Variants in ANKRD26 observed in about 807,000 individuals in gnomAD.
ANKRD26 encodes ankyrin repeat domain 26.
A neutral mutation model predicts 208.7 loss-of-function variants in ANKRD26; 141 were observed. The observed-to-expected ratio is 0.68, with a 90% confidence interval of 0.59 to 0.78. The LOEUF is 0.78. ANKRD26 is among the 30% of genes least tolerant of loss of function. ANKRD26 has a pLI of 0.00. For missense variants in ANKRD26, 1,889 were observed against 1,938.7 expected (o/e 0.97, Z 0.48); for synonymous variants, 636 against 660.4 (o/e 0.96, Z 0.57).
Position 27,043,800 on chromosome 10 carries a change from G to GT in ANKRD26, c.2020-234dup, listed in dbSNP as rs375888398. Among the ~76,000 whole-genome samples, 453 of 149,946 alleles carry GT rather than the reference G, an allele frequency of 3.0e-3. 1 individual carries two copies. Among genetic ancestry groups the GT allele is most frequent in the African/African-American group, 7.6e-3 (310 of 40,872 alleles). On this transcript the variant is annotated intron_variant, in intron 19 of 33. Transcript: ENST00000376087. ...TTTTTAATTTCATGTTTTTGTTTTT[G>GT]TTTTTTTTTGACATCGGGTCTCGCT...
At chr10:27,063,280 C>G (rs1018085652) in intron 12 of ANKRD26, among the ~76,000 whole-genome samples, 1 of 151,766 alleles carries the variant, frequency 6.6e-6, no homozygotes, top group Admixed American at 6.6e-5. Context: ...CTTTCTAATA[C>G]CCTGCTTTTC....
At chr10:27,029,392 T>G in intron 25 of ANKRD26, 36 bp from the exon 26 acceptor site, 7 of 1,582,242 alleles carry the variant, frequency 4.4e-6, no homozygotes, top group Non-Finnish European at 6.1e-6. Context: ...ACTTTACTAA[T>G]AATCTAGTAC....
chr10:27,070,843 C>G (rs998998114), intron 9 of ANKRD26, among the ~76,000 whole-genome samples: 2 of 150,838 alleles, frequency 1.3e-5, no homozygotes, highest in African/African-American at 4.9e-5. Context: ...TTTTTTGTAT[C>G]TTTAGTAGAG....
At chr10:27,047,252 C>T (rs911325695) in intron 17 of ANKRD26, among the ~76,000 whole-genome samples, 1 of 152,014 alleles carries the variant, frequency 6.6e-6, no homozygotes, top group Admixed American at 6.5e-5. Flanking sequence ...GGGAAAAATC[C>T]TTTTAGAATA....
Position 27,093,513 on chromosome 10 carries a change from A to G in ANKRD26, c.367T>C (p.Cys123Arg). 1 of 1,614,196 alleles carries G rather than the reference A, an allele frequency of 6.2e-7. No homozygotes were observed. The highest frequency in any genetic ancestry group is 8.5e-7 in the Non-Finnish European group (1 of 1,180,032). Residue 123 changes from cysteine to arginine, a missense_variant, in exon 3 of 34, where the codon TGC becomes CGC. Physicochemically the swap from Cys to Arg is radical, Grantham distance 180. This residue lies in a region of ANKRD26 where 1,272 missense variants were observed against 1,273.8 expected (regional missense o/e 1.00). Coordinates refer to ENST00000376087, the MANE Select transcript of ANKRD26 (RefSeq NM_014915.3). ...ATAGTTGCACATTTCTCTTCCTGGC[A>G]TTGTACAGCCTGGGAGTATTAGACC... ...NRTALMKAVQ[C>R]QEEKCATILL...
rs36035101 is a variant in ANKRD26, at chr10:27,086,768, G to GTTTTT, written c.639-164_639-160dup. On this transcript the variant is annotated intron_variant, in intron 4 of 33. Transcript: ENST00000376087. ...ATATGTAAGCTCTACAAACTTTTTTGTTTTTTTTTTTTTTTTTTTTTGAGA... is the reference window on the plus strand; with the variant it reads ...ATATGTAAGCTCTACAAACTTTTTTGTTTTTTTTTTTTTTTTTTTTTTTTTTGAGA... Among the ~76,000 whole-genome samples the GTTTTT allele has an allele frequency of 2.5e-3, 247 of 96,954 alleles. 1 individual carries two copies. Among genetic ancestry groups the GTTTTT allele is most frequent in the East Asian group, 9.3e-3 (30 of 3,230 alleles). The allele number at this position is 96,954 out of a possible 152,430, so 63.6% of individuals were successfully genotyped here.
At chr10:26,976,682 TGA>T (rs2052232317) in intron 5 of ANKRD26, among the ~76,000 whole-genome samples, 1 of 152,192 alleles carries the variant, frequency 6.6e-6, no homozygotes, top group South Asian at 2.1e-4. Context: ...TTTTTTTTAT[TGA>T]GGTTTCTTAA....
chr10:26,970,473 A>G (rs1422732210), downstream of ANKRD26, among the ~76,000 whole-genome samples: 1 of 152,130 alleles, frequency 6.6e-6, no homozygotes, highest in African/African-American at 2.4e-5. Context: ...CTGTCTCTCA[A>G]TACTGCTTTC....
At chr10:27,047,953 G>C (rs968289823) in intron 17 of ANKRD26, among the ~76,000 whole-genome samples, 4 of 151,958 alleles carry the variant, frequency 2.6e-5, no homozygotes, top group Admixed American at 6.6e-5. Flanking sequence ...ATGTTTTCCA[G>C]GCTCATCTGG....
chr10:27,035,426 T>A lies in ANKRD26; in HGVS notation c.3024A>T (p.Ser1008=). 6.2e-7 allele frequency: 1 copy of A among 1,614,086 alleles called. No homozygotes were observed. The highest frequency in any genetic ancestry group is 1.1e-5 in the South Asian group (1 of 91,084). ...TAGCAGCAGCCAATCTAGAATGGTA[T>A]GATTCAACTTCTGCTTCCAGTCTTT... ...SKERLEAEVE[S]YHSRLAAAIH... The change falls in exon 24 of 34, where the codon TCA becomes TCT. Residue 1008 remains serine (S), a synonymous_variant. Coordinates refer to ENST00000376087, the MANE Select transcript of ANKRD26 (RefSeq NM_014915.3).
At chr10:27,011,844 A>G (rs569479586) in intron 32 of ANKRD26, among the ~76,000 whole-genome samples, 1 of 152,342 alleles carries the variant, frequency 6.6e-6, no homozygotes, top group East Asian at 1.9e-4. Context: ...TTAGACATCA[A>G]TCATTCAAGT....
intron 9 of ANKRD26, among the ~76,000 whole-genome samples, chr10:27,074,604 C>T (rs1007157704): frequency 2.0e-5 from 3 of 152,050 alleles, no homozygotes; most frequent in Non-Finnish European, 2.9e-5. Context: ...GTGCTTGAAC[C>T]CAGGGGGTGG....
At chr10:27,003,643 A>T (rs1316351138), downstream of ANKRD26, among the ~76,000 whole-genome samples, 1 of 152,216 alleles carries the variant, frequency 6.6e-6, no homozygotes, top group African/African-American at 2.4e-5. Context: ...CCAGTAATGG[A>T]AGTGAGTGAC....
chr10:27,008,372 G>C (rs2052967447), intron 32 of ANKRD26, among the ~76,000 whole-genome samples: 1 of 152,048 alleles, frequency 6.6e-6, no homozygotes, highest in Admixed American at 6.5e-5. Flanking sequence ...AATAGCATTA[G>C]TAGACAGGTC....
intron 16 of ANKRD26, chr10:27,051,410 C>T: frequency 8.6e-7 from 1 of 1,160,340 alleles, no homozygotes; most frequent in Non-Finnish European, 1.1e-6. Context: ...GATCACTATA[C>T]TGAGGCACAC....
intron 32 of ANKRD26, among the ~76,000 whole-genome samples, chr10:27,007,959 A>G (rs986992949): frequency 1.3e-5 from 2 of 152,046 alleles, no homozygotes; most frequent in Non-Finnish European, 2.9e-5. Context: ...TAGAATTATA[A>G]ACAAAAAATA....
intron 3 of ANKRD26, 50 bp from the exon 4 acceptor site, chr10:27,092,562 G>T: frequency 7.3e-7 from 1 of 1,363,812 alleles, no homozygotes. Context: ...CATAATTCTC[G>T]GCTGAACTGA....
At position 27,100,065 on chromosome 10, in the gene ANKRD26, G is replaced by C. The variant is rs376773890; in HGVS notation, c.242+20C>G. ...CGCCTACTCCAGTGGCACTCAGTCC[G>C]GGCTTGCGACGCCTATTACCTGTTC... On this transcript the variant is annotated intron_variant, in intron 1 of 33. Coordinates refer to ENST00000376087, the MANE Select transcript of ANKRD26 (RefSeq NM_014915.3). The C allele has an allele frequency of 6.8e-6, 11 of 1,613,336 alleles. No individual in the cohort carries two copies. Among genetic ancestry groups the C allele is most frequent in the Non-Finnish European group, 9.3e-6 (11 of 1,179,930 alleles).
chr10:27,020,538 T>C (rs186539414), intron 29 of ANKRD26, among the ~76,000 whole-genome samples: 3,357 of 152,298 alleles, frequency 0.022, 137 homozygotes, highest in African/African-American at 0.076. Context: ...TTTTTAGCAC[T>C]TGCATACGAG....
Sources: gnomAD v4.1 joint callset for allele counts (sites outside exome capture counted in the v4.1 genomes callset) on GRCh38, gnomAD v4.1.1 for gene constraint, gnomAD v4.1.1 regional missense constraint, MANE v1.5 for transcripts, NCBI Gene and HGNC (gene_info 2026-07-23, HGNC 2026-07-21) for gene names.